The following INPP4B variants were observed in gnomAD, a reference collection of about 807,000 sequenced individuals.
The protein encoded by INPP4B is inositol polyphosphate-4-phosphatase type II B, also known as inositol polyphosphate 4-phosphatase type II.
Under a neutral mutation model 122.5 loss-of-function variants are expected in INPP4B, and 55 were observed. The observed-to-expected ratio is 0.45, with a 90% CI of 0.36 to 0.56. The LOEUF is 0.56. Ranked by LOEUF, INPP4B falls within the 20% of genes least tolerant of loss-of-function variation. The probability of loss-of-function intolerance (pLI) is 0.00; values close to 1 mark genes in which losing one functional copy is unlikely to be tolerated. For missense variants in INPP4B, 1,000 were observed against 1,097.7 expected (o/e 0.91, Z 1.26); for synonymous variants, 403 against 388.7 (o/e 1.04, Z -0.43).
chr4:142,135,917 C>T (rs1414807136), intron 18 of INPP4B, among the ~76,000 whole-genome samples: 1 of 152,098 alleles, frequency 6.6e-6, no homozygotes, highest in Non-Finnish European at 1.5e-5. Context: ...CTGCCTCAGC[C>T]TCCTGAGTAT....
At chr4:142,396,457 G>C (rs1235523680) in intron 7 of INPP4B, among the ~76,000 whole-genome samples, 2 of 152,050 alleles carry the variant, frequency 1.3e-5, no homozygotes, top group African/African-American at 4.8e-5. Context: ...GAAAAGTTTG[G>C]CAATATCATG....
At chr4:142,457,196 A>G (rs973551811) in intron 3 of INPP4B, among the ~76,000 whole-genome samples, 25 of 152,098 alleles carry the variant, frequency 1.6e-4, no homozygotes, top group Admixed American at 6.6e-4. Context: ...AGGAAAATAT[A>G]GAAGAAAATT....
At chr4:142,486,188 C>T (rs1432577926) in intron 2 of INPP4B, among the ~76,000 whole-genome samples, 1 of 152,130 alleles carries the variant, frequency 6.6e-6, no homozygotes, top group African/African-American at 2.4e-5. Context: ...AACTTATATT[C>T]CAATAAACTA....
intron 2 of INPP4B, among the ~76,000 whole-genome samples, chr4:142,723,773 T>C (rs962265069): frequency 3.3e-5 from 5 of 152,104 alleles, no homozygotes; most frequent in Admixed American, 6.6e-5. Context: ...TATTTAAACA[T>C]TGAAATTTAA....
intron 24 of INPP4B, among the ~76,000 whole-genome samples, chr4:142,082,927 G>C (rs574374494): frequency 1.3e-5 from 2 of 152,268 alleles, no homozygotes; most frequent in Non-Finnish European, 2.9e-5. Flanking sequence ...AAGAGTTTGA[G>C]ACTAGCCTGG....
chr4:142,286,499 C>T (rs552865197), intron 9 of INPP4B, among the ~76,000 whole-genome samples: 26 of 152,212 alleles, frequency 1.7e-4, no homozygotes, highest in South Asian at 4.1e-4. Flanking sequence ...AGAATTGATA[C>T]GAAATTTGTA....
intron 19 of INPP4B, 77 bp downstream of exon 19, chr4:142,124,511 G>A: frequency 7.6e-7 from 1 of 1,312,188 alleles, no homozygotes; most frequent in South Asian, 1.3e-5. Flanking sequence ...GTCCCAATAA[G>A]AATTCTATTC....
intron 2 of INPP4B, among the ~76,000 whole-genome samples, chr4:142,465,613 C>T (rs1413724879): frequency 6.6e-6 from 1 of 152,116 alleles, no homozygotes; most frequent in Non-Finnish European, 1.5e-5. Context: ...CTTCTTTGGT[C>T]CCTGTATCCA....
At chr4:142,243,199 T>C (rs930039621) in intron 11 of INPP4B, among the ~76,000 whole-genome samples, 8 of 152,252 alleles carry the variant, frequency 5.3e-5, no homozygotes, top group African/African-American at 1.7e-4. Context: ...GTAAACTTTT[T>C]GACTATTATC....
intron 14 of INPP4B, chr4:142,202,786 A>T (rs1393816147): frequency 1.0e-6 from 1 of 985,166 alleles, no homozygotes; most frequent in East Asian, 1.1e-4. Flanking sequence ...AACAAACAAA[A>T]ACAATGAGAG....
At chr4:142,837,199 A>G (rs1259969606) in intron 1 of INPP4B, among the ~76,000 whole-genome samples, 1 of 150,830 alleles carries the variant, frequency 6.6e-6, no homozygotes, top group Admixed American at 6.6e-5. Flanking sequence ...AGGAAAACCA[A>G]GGTCTCAATA....
At chr4:142,588,811 T>C (rs1311541879) in intron 2 of INPP4B, among the ~76,000 whole-genome samples, 5 of 151,804 alleles carry the variant, frequency 3.3e-5, no homozygotes. Flanking sequence ...ATCTCAGCAA[T>C]TAATTTTGTA....
intron 11 of INPP4B, among the ~76,000 whole-genome samples, chr4:142,242,214 T>A (rs1441441627): frequency 2.0e-5 from 3 of 152,134 alleles, no homozygotes; most frequent in Admixed American, 1.3e-4. Context: ...AAAGATCGGA[T>A]GAGCACTGAG....
At chr4:142,692,785 C>G (rs1580718487) in intron 2 of INPP4B, among the ~76,000 whole-genome samples, 1 of 152,080 alleles carries the variant, frequency 6.6e-6, no homozygotes, top group East Asian at 1.9e-4. Context: ...TCTGGTTTGA[C>G]AGTTGTGTGA....
chr4:142,454,549 T>G (rs571990897), intron 3 of INPP4B, among the ~76,000 whole-genome samples: 2 of 152,218 alleles, frequency 1.3e-5, no homozygotes, highest in South Asian at 4.1e-4. Context: ...CTGTATTCAT[T>G]AACACTATGT....
Position 142,093,106 on chromosome 4 carries a change from C to G in INPP4B, c.2375-6850G>C, listed in dbSNP as rs557368603. Among the ~76,000 whole-genome samples the G allele has an allele frequency of 3.3e-5, 5 of 152,226 alleles. No individual in the cohort carries two copies. In the South Asian group the frequency reaches 1.0e-3, roughly 32 times the overall value. On this transcript the variant is annotated intron_variant, in intron 23 of 25. Transcript: ENST00000262992. Reference sequence around the variant, plus strand: ...CGACTGTATTCCTCATTTTGAGATGCTCCCTATAAGAACCCAGCCATTATG... The same window carrying G: ...CGACTGTATTCCTCATTTTGAGATGGTCCCTATAAGAACCCAGCCATTATG...
intron 2 of INPP4B, among the ~76,000 whole-genome samples, chr4:142,575,345 G>A (rs1281363514): frequency 1.3e-5 from 2 of 152,018 alleles, no homozygotes; most frequent in African/African-American, 2.4e-5. Context: ...ATCAAACTAC[G>A]GAGGATTTTG....
At chr4:142,483,182 C>CTTTGTTTTTTTTTTTTTTT (rs1820774927) in intron 2 of INPP4B, among the ~76,000 whole-genome samples, 1 of 48,326 alleles carries the variant, frequency 2.1e-5, no homozygotes, top group African/African-American at 9.9e-5. Context: ...TCAGGCTATG[C>CTTTGTTTTTTTTTTTTTTT]TTTTTTTTTT....
chr4:142,130,328 G>A (rs906100348), intron 18 of INPP4B, among the ~76,000 whole-genome samples: 5 of 152,166 alleles, frequency 3.3e-5, no homozygotes, highest in African/African-American at 7.2e-5. Context: ...TGGAAGAGAG[G>A]AAATAAATGA....
Sources: gnomAD v4.1 joint callset for allele counts (sites outside exome capture counted in the v4.1 genomes callset) on GRCh38, gnomAD v4.1.1 for gene constraint, MANE v1.5 for transcripts, NCBI Gene and HGNC (gene_info 2026-07-23, HGNC 2026-07-21) for gene names.